The following GAREM1 variants were observed in gnomAD, a reference collection of about 807,000 sequenced individuals.
The protein encoded by GAREM1 is GRB2 associated regulator of MAPK1 subtype 1.
GAREM1 carries 26 observed loss-of-function variants against 71.3 expected under a neutral mutation model. That is an observed-to-expected ratio of 0.36 (90% CI 0.27 to 0.51). The LOEUF (loss-of-function observed/expected upper bound fraction) is 0.51. Among genes scored for constraint, GAREM1 ranks in the 20% least tolerant of loss-of-function variants. The pLI is 0.95. For synonymous variants in GAREM1, 440 were observed against 433.2 expected (o/e 1.02, Z -0.20); for missense variants, 1,026 against 1,103.1 (o/e 0.93, Z 0.99).
intron 2 of GAREM1, among the ~76,000 whole-genome samples, chr18:32,389,709 C>A (rs1284957114): frequency 1.3e-5 from 2 of 152,076 alleles, no homozygotes; most frequent in Non-Finnish European, 2.9e-5. Context: ...CACAAATAAG[C>A]TAGGGAGACA....
At chr18:32,355,154 AT>A (rs2047791735) in intron 2 of GAREM1, among the ~76,000 whole-genome samples, 1 of 152,152 alleles carries the variant, frequency 6.6e-6, no homozygotes, top group African/African-American at 2.4e-5. Context: ...AAGAAAAAAA[AT>A]TTTTTTAAAG....
chr18:32,433,131 T>G (rs956560656), intron 1 of GAREM1, among the ~76,000 whole-genome samples: 1 of 151,824 alleles, frequency 6.6e-6, no homozygotes, highest in African/African-American at 2.4e-5. Flanking sequence ...AATCGGTTAA[T>G]TTAATTAACC....
intron 1 of GAREM1, among the ~76,000 whole-genome samples, chr18:32,400,553 G>A (rs1404203522): frequency 2.0e-5 from 3 of 152,200 alleles, no homozygotes; most frequent in Non-Finnish European, 4.4e-5. Context: ...CATTTATGCA[G>A]CCAACAGACA....
At chr18:32,331,049 T>C (rs1172914503) in intron 2 of GAREM1, among the ~76,000 whole-genome samples, 2 of 152,202 alleles carry the variant, frequency 1.3e-5, no homozygotes, top group South Asian at 2.1e-4. Context: ...TGTTCCTCCT[T>C]CTCTCTGATC....
chr18:32,437,702 G>A (rs1308565570), intron 1 of GAREM1, among the ~76,000 whole-genome samples: 1 of 151,986 alleles, frequency 6.6e-6, no homozygotes, highest in Non-Finnish European at 1.5e-5. Flanking sequence ...TGGCAAACCA[G>A]GGAACTTTCA....
At chr18:32,391,983 C>G (rs776235302) in intron 2 of GAREM1, among the ~76,000 whole-genome samples, 1 of 152,150 alleles carries the variant, frequency 6.6e-6, no homozygotes, top group Non-Finnish European at 1.5e-5. Flanking sequence ...TGTGTCTAGA[C>G]AGTGGGAATA....
At chr18:32,282,006 C>T (rs978885946) in intron 4 of GAREM1, among the ~76,000 whole-genome samples, 1 of 152,118 alleles carries the variant, frequency 6.6e-6, no homozygotes, top group Admixed American at 6.6e-5. Flanking sequence ...AAAAAGCACC[C>T]CCACTGAGCA....
intron 4 of GAREM1, among the ~76,000 whole-genome samples, chr18:32,283,117 G>A (rs2046970974): frequency 6.6e-6 from 1 of 152,244 alleles, no homozygotes; most frequent in African/African-American, 2.4e-5. Flanking sequence ...GGGCTCAGCT[G>A]CAACAGTTCT....
At chr18:32,429,311 C>A (rs1434492254) in intron 1 of GAREM1, among the ~76,000 whole-genome samples, 1 of 152,096 alleles carries the variant, frequency 6.6e-6, no homozygotes, top group Non-Finnish European at 1.5e-5. Context: ...ATTTTGGAGT[C>A]CATGATCCTT....
chr18:32,290,242 G>C (rs1341554817), intron 3 of GAREM1: 1 of 151,548 alleles, frequency 6.6e-6, no homozygotes, highest in African/African-American at 2.4e-5. Context: ...TATTGTTTTT[G>C]TGTCTTCATC....
At chr18:32,457,356 A>T (rs2048906293) in intron 1 of GAREM1, among the ~76,000 whole-genome samples, 2 of 151,902 alleles carry the variant, frequency 1.3e-5, no homozygotes, top group Non-Finnish European at 2.9e-5. Flanking sequence ...AATTCTTCAT[A>T]ATATATATGT....
chr18:32,363,989 T>TATATAC (rs1240264536), intron 2 of GAREM1, among the ~76,000 whole-genome samples: 1 of 48,230 alleles, frequency 2.1e-5, no homozygotes, highest in East Asian at 5.8e-4. Flanking sequence ...CATAAATACA[T>TATATAC]ATATACATAT....
intron 2 of GAREM1, among the ~76,000 whole-genome samples, chr18:32,319,649 G>T (rs535983236): frequency 1.3e-5 from 2 of 152,220 alleles, no homozygotes; most frequent in East Asian, 1.9e-4. Context: ...ACTACTAGAG[G>T]GTGTAGGGTG....
rs959225567 is a variant in GAREM1, at chr18:32,470,142, G to A, written c.121+166C>T. Reference sequence around the variant, plus strand: ...ACCTCCTTGTCTGCTGCTGGGGGGAGTTGAGAGCAACGCGCCAGGGCTGCG... The same window carrying A: ...ACCTCCTTGTCTGCTGCTGGGGGGAATTGAGAGCAACGCGCCAGGGCTGCG... On this transcript the variant is annotated intron_variant, in intron 1 of 5. Transcript: ENST00000269209. This position sits in a 1 kb window ranked among gnomAD's most constrained non-coding sequence, Gnocchi z 4.4. The A allele has an allele frequency of 1.3e-6, 1 of 751,296 alleles. No homozygotes were observed. Among genetic ancestry groups the A allele is most frequent in the Non-Finnish European group, 1.9e-6 (1 of 536,948 alleles). The allele number at this position is 751,296 out of a possible 1,614,324, so 46.5% of individuals were successfully genotyped here. A position where few individuals can be genotyped will look rare whatever the true frequency, so the allele number is the denominator to read the frequency against.
rs1306938470 is a variant in GAREM1 at position 32,456,614 on chromosome 18, T to C, written c.121+13694A>G. Among the ~76,000 whole-genome samples the C allele has an allele frequency of 2.0e-5, 3 of 152,250 alleles. No homozygotes were observed. In the East Asian group the frequency reaches 5.8e-4, roughly 29 times the overall value. ...TTTCCCCTACATTTTTTCCCTAAGATTATTTAGTTTTGGTAATTGCATAGG... is the reference window on the plus strand; with the variant it reads ...TTTCCCCTACATTTTTTCCCTAAGACTATTTAGTTTTGGTAATTGCATAGG... On this transcript the variant is annotated intron_variant, in intron 1 of 5. Transcript: ENST00000269209.
chr18:32,401,488 A>G (rs1352655056), intron 1 of GAREM1, among the ~76,000 whole-genome samples: 1 of 152,168 alleles, frequency 6.6e-6, no homozygotes, highest in Non-Finnish European at 1.5e-5. Flanking sequence ...TCGAGACTTC[A>G]GCAGAGGAGA....
rs547333304 is a variant in GAREM1 at position 32,302,753 on chromosome 18, A to T, written c.393+7440T>A. Reference sequence around the variant, plus strand: ...TGGTCAAAGGGTACACGTTCCAGGTAGAATGGGGGGAAACTGAGAGGTGAT... The same window carrying T: ...TGGTCAAAGGGTACACGTTCCAGGTTGAATGGGGGGAAACTGAGAGGTGAT... On this transcript the variant is annotated intron_variant, in intron 3 of 5. Transcript: ENST00000269209. Among the ~76,000 whole-genome samples, 10 of 152,326 alleles carry T rather than the reference A, an allele frequency of 6.6e-5. No individual in the cohort carries two copies. In the South Asian group the frequency reaches 2.1e-3, roughly 32 times the overall value.
chr18:32,371,969 C>A (rs1038385956), intron 2 of GAREM1, among the ~76,000 whole-genome samples: 7 of 151,922 alleles, frequency 4.6e-5, no homozygotes, highest in African/African-American at 1.7e-4. Flanking sequence ...AGTCAGACCA[C>A]AATGAGTTAT....
chr18:32,445,892 T>C (rs562366876), intron 1 of GAREM1, among the ~76,000 whole-genome samples: 1 of 152,294 alleles, frequency 6.6e-6, no homozygotes, highest in Non-Finnish European at 1.5e-5. Flanking sequence ...AATAGCAGCA[T>C]GGTAGAAATT....
Sources: gnomAD v4.1 joint callset for allele counts (sites outside exome capture counted in the v4.1 genomes callset) on GRCh38, gnomAD v4.1.1 for gene constraint, Gnocchi (gnomAD v3.1) non-coding constraint, MANE v1.5 for transcripts, NCBI Gene and HGNC (gene_info 2026-07-23, HGNC 2026-07-21) for gene names.